Variants in PLAC8 observed in about 807,000 individuals in gnomAD.
PLAC8 encodes placenta associated 8, also known as placenta-specific gene 8 protein.
Under a neutral mutation model 12.6 loss-of-function variants are expected in PLAC8, and 6 were observed. The ratio of observed to expected loss-of-function variants is 0.48; its 90% CI spans 0.26 to 0.94. PLAC8 has a LOEUF of 0.94. Among genes scored for constraint, PLAC8 ranks in the 40% least tolerant of loss-of-function variants. PLAC8 has a pLI of 0.14. For missense variants in PLAC8, 122 were observed against 152.7 expected, an observed-to-expected ratio of 0.80 and a Z score of 1.06; for synonymous variants, 54 against 52.6, an observed-to-expected ratio of 1.03 and a Z score of -0.11.
rs1731773333 is a variant in PLAC8 at position 83,090,221 on chromosome 4, G to C, written c.*760C>G. 1 of 151,888 alleles carries C rather than the reference G, an allele frequency of 6.6e-6. No individual in the cohort carries two copies. Among genetic ancestry groups the C allele is most frequent in the Non-Finnish European group, 1.5e-5 (1 of 68,038 alleles). The allele number at this position is 151,888 out of a possible 1,614,324, so 9.4% of individuals were successfully genotyped here. The stretch of plus-strand genomic sequence containing the variant: ...AGGCCCGGAGTTCAAGACCAGCCTG[G>C]GCAACATAGAAAGACCCCCAACTCT... On this transcript the variant is annotated 3_prime_UTR_variant, in exon 5 of 5. Transcript: ENST00000311507.
At chr4:83,095,191 C>T (rs1383252586) in intron 3 of PLAC8, among the ~76,000 whole-genome samples, 1 of 152,116 alleles carries the variant, frequency 6.6e-6, no homozygotes, top group Non-Finnish European at 1.5e-5. Context: ...AGGAGAGAAG[C>T]TAATGGAATC....
intron 1 of PLAC8, 71 bp from the exon 2 acceptor site, chr4:83,108,021 G>T (rs1732305610): frequency 2.7e-6 from 1 of 371,740 alleles, no homozygotes; most frequent in Non-Finnish European, 5.6e-6. Flanking sequence ...AGCATTAGGA[G>T]ATATACCTAA....
At chr4:83,092,345 G>T (rs1236640843) in intron 4 of PLAC8, among the ~76,000 whole-genome samples, 3 of 151,776 alleles carry the variant, frequency 2.0e-5, no homozygotes, top group African/African-American at 7.3e-5. Context: ...TGTACAATCT[G>T]TACTATATAC....
At chr4:83,093,387 C>G (rs370812912) in intron 4 of PLAC8, 2 of 152,464 alleles carry the variant, frequency 1.3e-5, no homozygotes, top group East Asian at 1.9e-4. Context: ...CTTCACACAG[C>G]TCTCTCCTTA....
At position 83,094,745 on chromosome 4, in the gene PLAC8, C is replaced by A. The variant is rs761228557; in HGVS notation, c.290G>T (p.Cys97Phe). Residue 97 changes from cysteine (C) to phenylalanine (F), a missense_variant, in exon 4 of 5, where the codon TGT becomes TTT. Transcript: ENST00000311507. ...ATCTCTCTTGATTTGGCAAAGAGTACAATGAGGACAGCAAAGAGTTGCCAT... is the reference window on the plus strand; with the variant it reads ...ATCTCTCTTGATTTGGCAAAGAGTAAAATGAGGACAGCAAAGAGTTGCCAT... Reference protein sequence around the residue: ...DYMATLCCPHCTLCQIKRDIN... With the variant: ...DYMATLCCPHFTLCQIKRDIN... The A allele has an allele frequency of 1.2e-6, 2 of 1,605,808 alleles. No homozygotes were observed. Among genetic ancestry groups the A allele is most frequent in the Admixed American group, 3.4e-5 (2 of 58,934 alleles).
intron 3 of PLAC8, among the ~76,000 whole-genome samples, chr4:83,098,058 C>T (rs979298296): frequency 6.6e-6 from 1 of 152,028 alleles, no homozygotes; most frequent in African/African-American, 2.4e-5. Context: ...GGGGTTTCAC[C>T]ATGTTGGCCA....
Position 83,094,668 on chromosome 4 carries a change from A to G in PLAC8, c.*9+10T>C, listed in dbSNP as rs771804485. ...CACATGTTCTGAGAGGCATGTTTGC[A>G]TTGACTCACCATCAGTTTTTAGAAA... is the stretch of plus-strand genomic sequence containing the variant. On this transcript the variant is annotated intron_variant, in intron 4 of 4. Coordinates refer to ENST00000311507, the MANE Select transcript of PLAC8 (RefSeq NM_016619.3). 14 of 1,413,588 alleles carry G rather than the reference A, an allele frequency of 9.9e-6. No individual in the cohort carries two copies. In the East Asian group the frequency reaches 2.5e-4, roughly 25 times the overall value. 87.6% of individuals were successfully genotyped at this position (1,413,588 alleles called of 1,614,324 possible).
At chr4:83,095,754 G>A (rs1578735283) in intron 3 of PLAC8, among the ~76,000 whole-genome samples, 1 of 152,196 alleles carries the variant, frequency 6.6e-6, no homozygotes, top group African/African-American at 2.4e-5. Flanking sequence ...CAGCTCTAGG[G>A]AAGAAGTAAG....
chr4:83,107,210 CAAA>C (rs1194021802), intron 2 of PLAC8, among the ~76,000 whole-genome samples: 1 of 108,380 alleles, frequency 9.2e-6, no homozygotes, highest in African/African-American at 3.9e-5. Context: ...CAAAAACAAA[CAAA>C]AAAAAAAAAC....
rs373989658 is a variant in PLAC8 at position 83,094,455 on chromosome 4, GA to G, written c.*9+222del. The G allele has an allele frequency of 5.7e-4, 220 of 387,146 alleles. 1 individual carries two copies. The highest frequency in any genetic ancestry group is 4.3e-3 in the African/African-American group (203 of 46,882). The allele number at this position is 387,146 out of a possible 1,614,324, so 24.0% of individuals were successfully genotyped here. ...GATCACCAGAATTCTGAGAAGTTTA[GA>G]AAATTCACCATTCCTTTATTTACTA... On this transcript the variant is annotated intron_variant, in intron 4 of 4. Transcript: ENST00000311507.
chr4:83,106,267 G>A (rs1732238001), intron 2 of PLAC8, among the ~76,000 whole-genome samples: 1 of 151,854 alleles, frequency 6.6e-6, no homozygotes, highest in Non-Finnish European at 1.5e-5. Flanking sequence ...CCAAAGTGCT[G>A]GGATTACAGG....
At chr4:83,105,689 G>A (rs956555705) in intron 2 of PLAC8, among the ~76,000 whole-genome samples, 2 of 152,030 alleles carry the variant, frequency 1.3e-5, no homozygotes, top group African/African-American at 4.8e-5. Flanking sequence ...TTTTAAGAGG[G>A]GAGAATAATT....
chr4:83,103,603 C>A (rs996331196), intron 3 of PLAC8, among the ~76,000 whole-genome samples: 1 of 152,190 alleles, frequency 6.6e-6, no homozygotes, highest in East Asian at 1.9e-4. Flanking sequence ...GCATAGAAAT[C>A]TTTCCTTTCA....
chr4:83,098,760 G>A (rs1365966323), intron 3 of PLAC8, among the ~76,000 whole-genome samples: 1 of 151,034 alleles, frequency 6.6e-6, no homozygotes, highest in Non-Finnish European at 1.5e-5. Flanking sequence ...ATTTTTTTGA[G>A]TTATTTTTGC....
At chr4:83,101,168 A>G (rs767030668) in intron 3 of PLAC8, among the ~76,000 whole-genome samples, 22 of 152,216 alleles carry the variant, frequency 1.4e-4, no homozygotes, top group African/African-American at 4.3e-4. Context: ...TCACGAGGTC[A>G]GGAGATTGAG....
chr4:83,107,805 G>C lies in PLAC8; in HGVS notation c.117C>G (p.Val39=), dbSNP rs1732295701. The part of the protein sequence containing the change: ...GMCDCFSDCG[V]CLCGTFCFPC... Reference sequence around the variant, plus strand: ...GGGGTTCTTTCCCCACACACTTACAGACTCCGCAGTCGCTGAAACAGTCAC... The same window carrying C: ...GGGGTTCTTTCCCCACACACTTACACACTCCGCAGTCGCTGAAACAGTCAC... The change falls in exon 2 of 5, where the codon GTC becomes GTG. Residue 39 remains valine (V), a splice_region_variant and synonymous_variant. Transcript: ENST00000311507. 3 of 1,598,330 alleles carry C rather than the reference G, an allele frequency of 1.9e-6. No individual in the cohort carries two copies. The highest frequency in any genetic ancestry group is 1.7e-5 in the Admixed American group (1 of 59,532).
intron 3 of PLAC8, among the ~76,000 whole-genome samples, chr4:83,103,254 G>T (rs1732151104): frequency 1.3e-5 from 2 of 151,766 alleles, no homozygotes; most frequent in Admixed American, 1.3e-4. Context: ...AATTAGCTGG[G>T]CACGGTGGCG....
At position 83,094,831 on chromosome 4, in the gene PLAC8, C is replaced by A. The variant is rs757080345; in HGVS notation, c.244-40G>T. Reference sequence around the variant, plus strand: ...AAAAGAAATAAAAATATAAAATTCACCTATTTGGAATTAAGACTTGCCACA... The same window carrying A: ...AAAAGAAATAAAAATATAAAATTCAACTATTTGGAATTAAGACTTGCCACA... On this transcript the variant is annotated intron_variant, in intron 3 of 4. Coordinates refer to ENST00000311507, the MANE Select transcript of PLAC8 (RefSeq NM_016619.3). 3 of 1,268,186 alleles carry A rather than the reference C, an allele frequency of 2.4e-6. No individual in the cohort carries two copies. In the South Asian group the frequency reaches 4.4e-5, roughly 19 times the overall value. 78.6% of individuals were successfully genotyped at this position (1,268,186 alleles called of 1,614,324 possible). A position where few individuals can be genotyped will look rare whatever the true frequency, so the allele number is the denominator to read the frequency against.
chr4:83,100,194 T>C (rs1732058388), intron 3 of PLAC8, among the ~76,000 whole-genome samples: 1 of 148,942 alleles, frequency 6.7e-6, no homozygotes, highest in African/African-American at 2.5e-5. Flanking sequence ...GGCAGGAGAA[T>C]GGCGTGAACC....
Sources: gnomAD v4.1 joint callset for allele counts (sites outside exome capture counted in the v4.1 genomes callset) on GRCh38, gnomAD v4.1.1 for gene constraint, MANE v1.5 for transcripts, NCBI Gene and HGNC (gene_info 2026-07-23, HGNC 2026-07-21) for gene names.